Variants in CSNK1G2 observed in about 807,000 individuals in gnomAD.
The protein encoded by CSNK1G2 is casein kinase 1 gamma 2.
CSNK1G2 carries 11 observed loss-of-function variants against 48.0 expected under a neutral mutation model. That is an observed-to-expected ratio of 0.23 (90% CI 0.14 to 0.38). The LOEUF (loss-of-function observed/expected upper bound fraction) is 0.38. CSNK1G2 is among the 10% of genes least tolerant of loss of function. The probability of loss-of-function intolerance (pLI) is 1.00; values close to 1 mark genes in which losing one functional copy is unlikely to be tolerated. For missense variants in CSNK1G2, 446 were observed against 595.5 expected, an observed-to-expected ratio of 0.75 and a Z score of 2.61; for synonymous variants, 337 against 254.1, an observed-to-expected ratio of 1.33 and a Z score of -3.10.
At chr19:1,975,149 A>G in intron 2 of CSNK1G2, 1 of 985,466 alleles carries the variant, frequency 1.0e-6, no homozygotes, top group African/African-American at 1.7e-5. Context: ...TCACCATCAG[A>G]TGCATCAGAG....
intron 2 of CSNK1G2, chr19:1,975,078 G>A (rs896573398): frequency 3.3e-5 from 33 of 985,338 alleles, no homozygotes; most frequent in African/African-American, 1.2e-4. Context: ...CGCACACAGC[G>A]GTGGGGTTCA....
rs1226251095 is a variant in CSNK1G2 at position 1,976,178 on chromosome 19, G to A, written c.188-2127G>A. 3.2e-5 allele frequency: 35 copies of A among 1,100,638 alleles called. 1 individual carries two copies. The highest frequency in any genetic ancestry group is 3.7e-5 in the Non-Finnish European group (30 of 820,656). The allele number at this position is 1,100,638 out of a possible 1,614,324, so 68.2% of individuals were successfully genotyped here. A position where few individuals can be genotyped will look rare whatever the true frequency, so the allele number is the denominator to read the frequency against. ...TGGGGCACGGCTCCTGTTGTTTTAC[G>A]AGGAGAATTTCCTAATAACGTGTTA... On this transcript the variant is annotated intron_variant, in intron 2 of 11. Coordinates refer to ENST00000255641, the MANE Select transcript of CSNK1G2 (RefSeq NM_001319.7).
At chr19:1,976,189 C>T (rs2015747906) in intron 2 of CSNK1G2, 4 of 1,015,674 alleles carry the variant, frequency 3.9e-6, no homozygotes, top group Non-Finnish European at 2.7e-6. Flanking sequence ...AGGAGAATTT[C>T]CTAATAACGT....
At chr19:1,976,988 G>A (rs962539806) in intron 2 of CSNK1G2, among the ~76,000 whole-genome samples, 9 of 152,072 alleles carry the variant, frequency 5.9e-5, no homozygotes, top group African/African-American at 1.9e-4. Context: ...ATCCGCCTGC[G>A]TCAGCCTCCC....
At position 1,981,278 on chromosome 19, in the gene CSNK1G2, T is replaced by G. The variant is rs2015982514; in HGVS notation, c.*1075T>G. 6.6e-6 allele frequency: 1 copy of G among 152,132 alleles called. No homozygotes were observed. The highest frequency in any genetic ancestry group is 1.5e-5 in the Non-Finnish European group (1 of 68,020). The allele number at this position is 152,132 out of a possible 1,614,324, so 9.4% of individuals were successfully genotyped here. A position where few individuals can be genotyped will look rare whatever the true frequency, so the allele number is the denominator to read the frequency against. On this transcript the variant is annotated 3_prime_UTR_variant, in exon 12 of 12. Transcript: ENST00000255641. ...AATGGCATTTACGTTTCTCTGATGC[T>G]CCCTTGAAGCCATAGAATTTAGGGG...
At chr19:1,970,637 C>A (rs2015536060) in intron 2 of CSNK1G2, among the ~76,000 whole-genome samples, 1 of 152,170 alleles carries the variant, frequency 6.6e-6, no homozygotes, top group Admixed American at 6.5e-5. Flanking sequence ...TGGGGCCGTT[C>A]CCAGTCTGTG....
rs776686742 is a variant in CSNK1G2, at chr19:1,978,588, G to C, written c.299-14G>C. On this transcript the variant is annotated splice_polypyrimidine_tract_variant and intron_variant, in intron 4 of 11. Transcript: ENST00000255641. The surrounding 1 kb of genome is among the most constrained non-coding windows in gnomAD (Gnocchi z 7.3). ...GCTGCCGCCGCACGCCCGTGCGTCT[G>C]TCCTCCGCCGCAGAGGGCGTCCCTC... The C allele has an allele frequency of 3.8e-6, 6 of 1,585,280 alleles. No individual in the cohort carries two copies. The highest frequency in any genetic ancestry group is 5.1e-6 in the Non-Finnish European group (6 of 1,166,388).
chr19:1,979,102 C>T lies in CSNK1G2; in HGVS notation c.682+9C>T, dbSNP rs750369892. On this transcript the variant is annotated intron_variant, in intron 6 of 11. Transcript: ENST00000255641. ...CACGCACCTGGGCAAGGGTGAGCTG[C>T]GCGCGCGCGGCGGGGGGCGGGCGCC... 7 of 1,583,238 alleles carry T rather than the reference C, an allele frequency of 4.4e-6. No individual in the cohort carries two copies. Among genetic ancestry groups the T allele is most frequent in the South Asian group, 3.3e-5 (3 of 90,042 alleles).
intron 1 of CSNK1G2, among the ~76,000 whole-genome samples, chr19:1,964,249 C>T (rs556522924): frequency 4.0e-5 from 6 of 150,762 alleles, no homozygotes; most frequent in East Asian, 2.0e-4. Context: ...GCTGTGATTG[C>T]GCCATGGCAC....
At chr19:1,974,339 G>T (rs544418111) in intron 2 of CSNK1G2, among the ~76,000 whole-genome samples, 1 of 152,290 alleles carries the variant, frequency 6.6e-6, no homozygotes, top group South Asian at 2.1e-4. Context: ...ACCGGAGGGG[G>T]CTGGATTCGC....
chr19:1,972,121 T>C (rs1284639438), intron 2 of CSNK1G2, among the ~76,000 whole-genome samples: 2 of 152,222 alleles, frequency 1.3e-5, no homozygotes, highest in African/African-American at 4.8e-5. Flanking sequence ...CAGCCTGGCA[T>C]TTTGGGCGCT....
At chr19:1,960,511 G>A (rs947677449) in intron 1 of CSNK1G2, among the ~76,000 whole-genome samples, 41 of 152,206 alleles carry the variant, frequency 2.7e-4, no homozygotes, top group Non-Finnish European at 4.7e-4. Flanking sequence ...ACACGCTGCC[G>A]TGTCCCCCGT....
At chr19:1,962,720 C>G (rs1321279096) in intron 1 of CSNK1G2, among the ~76,000 whole-genome samples, 1 of 152,018 alleles carries the variant, frequency 6.6e-6, no homozygotes, top group African/African-American at 2.4e-5. Flanking sequence ...GTCAGACCCC[C>G]GGGAGCGGCA....
At chr19:1,964,937 A>G (rs1280834125) in intron 1 of CSNK1G2, among the ~76,000 whole-genome samples, 1 of 151,162 alleles carries the variant, frequency 6.6e-6, no homozygotes, top group African/African-American at 2.4e-5. Flanking sequence ...CGTATTAGCC[A>G]GGATGGTCTC....
At chr19:1,944,131 C>T (rs2014466822) in intron 1 of CSNK1G2, among the ~76,000 whole-genome samples, 1 of 152,116 alleles carries the variant, frequency 6.6e-6, no homozygotes, top group Non-Finnish European at 1.5e-5. Context: ...GTCCTGTGTC[C>T]AGCTAGGGCT....
At chr19:1,954,781 G>T (rs1322711431) in intron 1 of CSNK1G2, 1 of 152,418 alleles carries the variant, frequency 6.6e-6, no homozygotes, top group East Asian at 1.9e-4. Flanking sequence ...AGCCCCTTGT[G>T]GGATGGCTGC....
intron 2 of CSNK1G2, among the ~76,000 whole-genome samples, chr19:1,971,531 A>T (rs1486626752): frequency 6.6e-6 from 1 of 152,234 alleles, no homozygotes; most frequent in Non-Finnish European, 1.5e-5. Context: ...CCACAAATGC[A>T]CATGTGCACA....
chr19:1,965,916 T>G (rs4807181), intron 1 of CSNK1G2, among the ~76,000 whole-genome samples: 2 of 151,896 alleles, frequency 1.3e-5, no homozygotes, highest in Middle Eastern at 3.2e-3. Context: ...CTCACCTCAG[T>G]CTCCTAAGTA....
At chr19:1,947,248 G>C (rs1430612819) in intron 1 of CSNK1G2, among the ~76,000 whole-genome samples, 1 of 152,228 alleles carries the variant, frequency 6.6e-6, no homozygotes, top group Non-Finnish European at 1.5e-5. Context: ...CAGAGTCCCT[G>C]CCTGTGAGGC....
Sources: gnomAD v4.1 joint callset for allele counts (sites outside exome capture counted in the v4.1 genomes callset) on GRCh38, gnomAD v4.1.1 for gene constraint, Gnocchi (gnomAD v3.1) non-coding constraint, MANE v1.5 for transcripts, NCBI Gene and HGNC (gene_info 2026-07-23, HGNC 2026-07-21) for gene names.